RHBDD1: variants seen among roughly 807,000 people sequenced by gnomAD.
RHBDD1 encodes rhomboid-related protein 4.
In RHBDD1, 38 loss-of-function variants were observed where a neutral mutation model predicts 36.3. That is an observed-to-expected ratio of 1.05 (90% CI 0.81 to 1.37). The LOEUF (loss-of-function observed/expected upper bound fraction) is 1.37, where lower values mean the gene tolerates loss of function less well. Ranked by LOEUF, RHBDD1 falls within the 40% of genes most tolerant of loss-of-function variation. The probability of loss-of-function intolerance (pLI) is 0.00; values close to 1 mark genes in which losing one functional copy is unlikely to be tolerated. For missense variants in RHBDD1, 393 were observed against 377.6 expected, an observed-to-expected ratio of 1.04 and a Z score of -0.34; for synonymous variants, 151 against 136.5, an observed-to-expected ratio of 1.11 and a Z score of -0.74.
At chr2:226,940,261 G>T (rs1231986109) in intron 8 of RHBDD1, among the ~76,000 whole-genome samples, 2 of 152,070 alleles carry the variant, frequency 1.3e-5, no homozygotes, top group Non-Finnish European at 2.9e-5. Context: ...ATTTCATGAT[G>T]AAGATGCCAA....
intron 5 of RHBDD1, among the ~76,000 whole-genome samples, chr2:226,904,985 T>TGA (rs542052998): frequency 1.8e-4 from 27 of 152,224 alleles, no homozygotes; most frequent in African/African-American, 5.8e-4. Context: ...AACATATCCT[T>TGA]GAGTGCCTCT....
chr2:226,906,142 A>G (rs529409956), intron 5 of RHBDD1, among the ~76,000 whole-genome samples: 1 of 152,352 alleles, frequency 6.6e-6, no homozygotes, highest in South Asian at 2.1e-4. Flanking sequence ...TTTAGATGCC[A>G]GTTTAAGAAG....
At chr2:226,904,881 C>T (rs1947912836) in intron 5 of RHBDD1, among the ~76,000 whole-genome samples, 1 of 152,116 alleles carries the variant, frequency 6.6e-6, no homozygotes, top group African/African-American at 2.4e-5. Context: ...ATTGCCGTGG[C>T]TCAGCAAGCA....
intron 5 of RHBDD1, among the ~76,000 whole-genome samples, chr2:226,879,160 A>G (rs1054667823): frequency 2.0e-5 from 3 of 151,946 alleles, no homozygotes; most frequent in Middle Eastern, 3.2e-3. Context: ...GATTTCAGCT[A>G]TGTTTGTATA....
At chr2:226,972,319 A>G (rs1445338077) in intron 8 of RHBDD1, among the ~76,000 whole-genome samples, 6 of 152,110 alleles carry the variant, frequency 3.9e-5, no homozygotes, top group Non-Finnish European at 4.4e-5. Flanking sequence ...TTCTTTATCC[A>G]GTCAATCATT....
chr2:226,899,544 C>A (rs1947420298), intron 5 of RHBDD1, among the ~76,000 whole-genome samples: 1 of 152,108 alleles, frequency 6.6e-6, no homozygotes, highest in East Asian at 1.9e-4. Flanking sequence ...AAACACAGCA[C>A]ATCTTAGCAG....
chr2:226,889,890 C>G (rs1224773375), intron 5 of RHBDD1, among the ~76,000 whole-genome samples: 1 of 152,176 alleles, frequency 6.6e-6, no homozygotes, highest in East Asian at 1.9e-4. Context: ...GCCCTTGATT[C>G]AATTACTTTT....
chr2:226,958,059 A>G (rs1162216983), intron 8 of RHBDD1, among the ~76,000 whole-genome samples: 1 of 152,238 alleles, frequency 6.6e-6, no homozygotes, highest in Non-Finnish European at 1.5e-5. Flanking sequence ...AAATGAAAAC[A>G]TATACCTACA....
chr2:226,883,889 T>C (rs1412608211), intron 5 of RHBDD1, among the ~76,000 whole-genome samples: 2 of 152,204 alleles, frequency 1.3e-5, no homozygotes, highest in Non-Finnish European at 2.9e-5. Context: ...TAGAAGTTAA[T>C]TACAAATGTA....
At chr2:226,864,478 A>T in intron 3 of RHBDD1, 126 bp from the exon 4 acceptor site, 1 of 552,140 alleles carries the variant, frequency 1.8e-6, no homozygotes, top group African/African-American at 1.9e-5. Context: ...GAAGATGTCG[A>T]ACATAAATAT....
chr2:226,948,595 TA>T (rs1951189977), intron 8 of RHBDD1, among the ~76,000 whole-genome samples: 6 of 52,716 alleles, frequency 1.1e-4, no homozygotes, highest in Non-Finnish European at 2.3e-4. Context: ...ACGAAAAAAA[TA>T]AAAATAAAAA....
At chr2:226,988,261 C>A (rs1957432905) in intron 8 of RHBDD1, 10 of 1,434,884 alleles carry the variant, frequency 7.0e-6, no homozygotes, top group South Asian at 1.4e-5. Flanking sequence ...CATATCAGGG[C>A]CCTGAGGAGG....
chr2:226,823,365 A>G, the RHBDD1 span, among the ~76,000 whole-genome samples: 3 of 152,168 alleles, frequency 2.0e-5, no homozygotes, highest in Non-Finnish European at 4.4e-5. Context: ...GACACAGTCA[A>G]TTTGCACTGT....
intron 5 of RHBDD1, among the ~76,000 whole-genome samples, chr2:226,895,155 G>A (rs1946996325): frequency 1.3e-5 from 2 of 152,200 alleles, no homozygotes; most frequent in African/African-American, 4.8e-5. Flanking sequence ...GCTAGGATCA[G>A]GTTTGCTGGT....
chr2:226,868,286 A>T (rs1423106908), intron 5 of RHBDD1, among the ~76,000 whole-genome samples: 6 of 152,096 alleles, frequency 3.9e-5, no homozygotes, highest in African/African-American at 1.4e-4. Flanking sequence ...AAGGACTTGG[A>T]AATTCGGAAG....
the RHBDD1 span, among the ~76,000 whole-genome samples, chr2:226,801,107 T>G: frequency 6.6e-6 from 1 of 152,216 alleles, no homozygotes; most frequent in Non-Finnish European, 1.5e-5. Context: ...GCCCCTTTAC[T>G]ACGCCGGGAC....
intron 7 of RHBDD1, among the ~76,000 whole-genome samples, chr2:226,912,512 A>G (rs1948592780): frequency 6.6e-6 from 1 of 152,296 alleles, no homozygotes; most frequent in Non-Finnish European, 1.5e-5. Flanking sequence ...ACAGTGGAAT[A>G]TTATTTGCCC....
chr2:226,836,062 G>T lies in RHBDD1; in HGVS notation c.-417G>T, dbSNP rs1940915814. ...ATGACGCACGTGCGCGCGAAGACGTGGGGACGCAGGCGGGTCGTAGAGAGC... is the reference window on the plus strand; with the variant it reads ...ATGACGCACGTGCGCGCGAAGACGTTGGGACGCAGGCGGGTCGTAGAGAGC... On this transcript the variant is annotated 5_prime_UTR_variant, in exon 1 of 9. Coordinates refer to ENST00000392062, the MANE Select transcript of RHBDD1 (RefSeq NM_001167608.3). 1 of 152,712 alleles carries T rather than the reference G, an allele frequency of 6.5e-6. No individual in the cohort carries two copies. The highest frequency in any genetic ancestry group is 2.4e-5 in the African/African-American group (1 of 41,470). 9.5% of individuals were successfully genotyped at this position (152,712 alleles called of 1,614,324 possible).
chr2:226,841,762 T>C (rs1201743567), intron 3 of RHBDD1, among the ~76,000 whole-genome samples: 1 of 152,234 alleles, frequency 6.6e-6, no homozygotes, highest in Non-Finnish European at 1.5e-5. Flanking sequence ...AACATATGCA[T>C]GCATGTATCT....
Sources: gnomAD v4.1 joint callset for allele counts (sites outside exome capture counted in the v4.1 genomes callset) on GRCh38, gnomAD v4.1.1 for gene constraint, MANE v1.5 for transcripts, NCBI Gene and HGNC (gene_info 2026-07-23, HGNC 2026-07-21) for gene names.